VARS1: variants seen among roughly 807,000 people sequenced by gnomAD.
VARS1 encodes valyl-tRNA synthetase 1.
In VARS1, 92 loss-of-function variants were observed where a neutral mutation model predicts 161.0. That is an observed-to-expected ratio of 0.57 (90% CI 0.48 to 0.68). The LOEUF is 0.68. VARS1 is among the 30% of genes least tolerant of loss of function. The pLI, the probability that VARS1 is intolerant of heterozygous loss-of-function variation, is 0.00. For missense variants in VARS1, 1,338 were observed against 1,695.9 expected (o/e 0.79, Z 3.71); for synonymous variants, 595 against 682.5 (o/e 0.87, Z 2.00).
Position 31,793,018 on chromosome 6 carries a change from C to A in VARS1, c.490G>T (p.Ala164Ser). The stretch of plus-strand genomic sequence containing the variant: ...AAAGGCAGCAGCAAGGCTGTGACAG[C>A]CGCCAGGTCAGCCAGAGTGGGGGCC... The part of the protein sequence containing the change: ...GEAPTLADLA[A>S]VTALLLPFRY... The change falls in exon 3 of 30, where the codon GCT becomes TCT. Residue 164 changes from alanine (A) to serine (S), a missense_variant. By Grantham distance (99) the Ala-to-Ser change is moderately conservative. Around this residue, in one of 3 missense-constraint regions of VARS1, gnomAD observed 902 missense variants for 1,090.3 expected, o/e 0.83. Transcript: ENST00000375663. 6.2e-7 allele frequency: 1 copy of A among 1,613,280 alleles called. No homozygotes were observed. Among genetic ancestry groups the A allele is most frequent in the South Asian group, 1.1e-5 (1 of 91,088 alleles).
intron 8 of VARS1, among the ~76,000 whole-genome samples, chr6:31,789,377 T>C (rs1290154453): frequency 6.6e-6 from 1 of 152,134 alleles, no homozygotes; most frequent in Non-Finnish European, 1.5e-5. Flanking sequence ...ACAACTTCAA[T>C]AGCAATCAGA....
In VARS1 at chr6:31,795,175, TG is replaced by T; in HGVS notation, c.42del (p.Ser15AlafsTer6). On this transcript the variant is annotated frameshift_variant, in exon 2 of 30. Coordinates refer to ENST00000375663, the MANE Select transcript of VARS1 (RefSeq NM_006295.3). LOFTEE classifies it high-confidence loss of function. The surrounding 1 kb of genome is among the most constrained non-coding windows in gnomAD (Gnocchi z 6.9). ...LYVSPHPDAF[P>X]SLRALIAARY... ...CGAGCGGCTATGAGGGCTCGGAGGCTGGGGAAGGCATCTGGGTGAGGGGAGA... is the reference window on the plus strand; with the variant it reads ...CGAGCGGCTATGAGGGCTCGGAGGCTGGGAAGGCATCTGGGTGAGGGGAGA... The T allele has an allele frequency of 6.8e-7, 1 of 1,474,410 alleles. No individual in the cohort carries two copies. 91.3% of individuals were successfully genotyped at this position (1,474,410 alleles called of 1,614,324 possible).
At chr6:31,792,064 CACA>C in intron 6 of VARS1, 93 bp from the exon 7 acceptor site, 2 of 1,462,210 alleles carry the variant, frequency 1.4e-6, no homozygotes, top group Non-Finnish European at 1.8e-6. Flanking sequence ...CTCCGTCACT[CACA>C]TCATAGGACA....
In VARS1 at chr6:31,792,809, C is replaced by T. The variant is rs1034862273; in HGVS notation, c.609G>A (p.Val203=). The change falls in exon 4 of 30, where the codon GTG becomes GTA. Residue 203 remains valine, a synonymous_variant. Transcript: ENST00000375663. The part of the protein sequence containing the change: ...TCVRQPEFRA[V]LGEVVLYSGA... ...CTGAGTATAGAACCACTTCTCCTAG[C>T]ACGGCTCGGAATTCTGGCTGCCGGA... is the stretch of plus-strand genomic sequence containing the variant. The T allele has an allele frequency of 4.3e-6, 7 of 1,614,072 alleles. No individual in the cohort carries two copies. The highest frequency in any genetic ancestry group is 5.9e-6 in the Non-Finnish European group (7 of 1,180,048).
At position 31,790,368 on chromosome 6, in the gene VARS1, G is replaced by A. The variant is rs189537173; in HGVS notation, c.1100+1242C>T. Among the ~76,000 whole-genome samples the A allele has an allele frequency of 7.1e-3, 1,075 of 152,096 alleles. 12 individuals carry two copies. Among genetic ancestry groups the A allele is most frequent in the African/African-American group, 0.023 (938 of 41,526 alleles). On this transcript the variant is annotated intron_variant, in intron 8 of 29. Coordinates refer to ENST00000375663, the MANE Select transcript of VARS1 (RefSeq NM_006295.3). ...TGTAATCCCAGCACTTTGGGAGGCC[G>A]AGGCAGGCAGATCACCTGAGGTCAG...
chr6:31,787,219 A>G (rs1340636352), intron 8 of VARS1, among the ~76,000 whole-genome samples: 1 of 151,990 alleles, frequency 6.6e-6, no homozygotes, highest in East Asian at 1.9e-4. Flanking sequence ...CTGTCTCAAA[A>G]ATAAATAAAT....
Position 31,782,398 on chromosome 6 carries a change from G to A in VARS1, c.2037C>T (p.Tyr679=), listed in dbSNP as rs373944494. The change falls in exon 17 of 30, where the codon TAC becomes TAT. Residue 679 remains tyrosine (Y), a synonymous_variant. Transcript: ENST00000375663. This position sits in a 1 kb window ranked among gnomAD's most constrained non-coding sequence, Gnocchi z 8.3. ...VVEPLLRPQW[Y]VRCGEMAQAA... ...CCTGGGCCATCTCCCCGCAGCGAAC[G>A]TACCACTGCGGCCGCAGCAGAGGCT... The A allele has an allele frequency of 4.7e-5, 76 of 1,612,370 alleles. No homozygotes were observed. The highest frequency in any genetic ancestry group is 1.3e-4 in the African/African-American group (10 of 75,026).
At chr6:31,783,372 T>C in intron 13 of VARS1, 186 bp from the exon 14 acceptor site, 1 of 604,228 alleles carries the variant, frequency 1.7e-6, no homozygotes, top group Non-Finnish European at 2.9e-6. Flanking sequence ...TAGCCAGGTG[T>C]GGTGACGCGT....
Position 31,785,995 on chromosome 6 carries a change from A to G in VARS1, c.1101-262T>C, listed in dbSNP as rs1425883422. 6.6e-6 allele frequency among the ~76,000 whole-genome samples: 1 copy of G among 152,080 alleles called. No homozygotes were observed. The highest frequency in any genetic ancestry group is 2.4e-5 in the African/African-American group (1 of 41,426). ...TACAAAATTAGCTGGGCATGGTGGC[A>G]TGCGCCTGTAATCCCAGCACTTTGG... On this transcript the variant is annotated intron_variant, in intron 8 of 29. Coordinates refer to ENST00000375663, the MANE Select transcript of VARS1 (RefSeq NM_006295.3). This position sits in a 1 kb window ranked among gnomAD's most constrained non-coding sequence, Gnocchi z 6.1.
In VARS1 at chr6:31,778,933, G is replaced by A; in HGVS notation, c.3726+34C>T. The A allele has an allele frequency of 6.2e-7, 1 of 1,612,208 alleles. No homozygotes were observed. The highest frequency in any genetic ancestry group is 8.5e-7 in the Non-Finnish European group (1 of 1,179,342). Reference sequence around the variant, plus strand: ...GACCAGGGTTTTGATGGAGGAAGGGGATGGTGTGGGAAATGCCCACCCAGG... The same window carrying A: ...GACCAGGGTTTTGATGGAGGAAGGGAATGGTGTGGGAAATGCCCACCCAGG... On this transcript the variant is annotated intron_variant, in intron 29 of 29. Coordinates refer to ENST00000375663, the MANE Select transcript of VARS1 (RefSeq NM_006295.3). This position sits in a 1 kb window ranked among gnomAD's most constrained non-coding sequence, Gnocchi z 5.1.
rs149834599 is a variant in VARS1, at chr6:31,778,994, G to T, written c.3699C>A (p.Leu1233=). Residue 1233 remains leucine (L), a synonymous_variant, in exon 29 of 30, where the codon CTC becomes CTA. Coordinates refer to ENST00000375663, the MANE Select transcript of VARS1 (RefSeq NM_006295.3). The surrounding 1 kb of genome is among the most constrained non-coding windows in gnomAD (Gnocchi z 5.1). ...AASGYPVKVP[L]EVQEADEAKL... Reference sequence around the variant, plus strand: ...TGGCTTCATCTGCCTCCTGGACTTCGAGCGGCACCTTGACAGGATAGCCCG... The same window carrying T: ...TGGCTTCATCTGCCTCCTGGACTTCTAGCGGCACCTTGACAGGATAGCCCG... The T allele has an allele frequency of 1.2e-6, 2 of 1,612,930 alleles. No homozygotes were observed. The highest frequency in any genetic ancestry group is 1.7e-6 in the Non-Finnish European group (2 of 1,180,052).
At chr6:31,790,602 CAAAAAAAAAAAAAAA>C (rs9279419) in intron 8 of VARS1, among the ~76,000 whole-genome samples, 1 of 43,386 alleles carries the variant, frequency 2.3e-5, no homozygotes, top group Non-Finnish European at 3.9e-5. Context: ...AACTCTGTCT[CAAAAAAAAAAAAAAA>C]AAAAAAAAAA....
Position 31,782,228 on chromosome 6 carries a change from C to T in VARS1, c.2151-51G>A, listed in dbSNP as rs565538618. ...AGGGAGGGCCTGATGGAGCCTGGCC[C>T]GAGTGAGCCCTGCTCAGCCCTCGGC... is the stretch of plus-strand genomic sequence containing the variant. On this transcript the variant is annotated intron_variant, in intron 17 of 29. Transcript: ENST00000375663. The surrounding 1 kb of genome is among the most constrained non-coding windows in gnomAD (Gnocchi z 8.3). 1.2e-5 allele frequency: 19 copies of T among 1,611,128 alleles called. No homozygotes were observed. The Admixed American group carries it at 1.3e-4, about 11-fold the overall frequency.
rs1274388486 is a variant in VARS1, at chr6:31,783,193, G to A, written c.1672-7C>T. 22 of 1,611,832 alleles carry A rather than the reference G, an allele frequency of 1.4e-5. No homozygotes were observed. In the African/African-American group the frequency reaches 2.7e-4, roughly 20 times the overall value. On this transcript the variant is annotated splice_polypyrimidine_tract_variant and splice_region_variant and intron_variant, in intron 13 of 29. Transcript: ENST00000375663. Reference sequence around the variant, plus strand: ...CGTTCTTCCCCTTCAGGTGCTGGGGGCGGAAAGATACCAAAAACGCATGAA... The same window carrying A: ...CGTTCTTCCCCTTCAGGTGCTGGGGACGGAAAGATACCAAAAACGCATGAA...
intron 6 of VARS1, 113 bp downstream of exon 6, chr6:31,792,104 C>T (rs568856031): frequency 1.8e-5 from 27 of 1,476,426 alleles, no homozygotes; most frequent in Middle Eastern, 2.4e-4. Context: ...AGAGGCAGGG[C>T]AGGGGGTCTG....
chr6:31,777,948 G>A lies in VARS1; in HGVS notation c.3727-286C>T. ...TCAGTGTCCCCACCTAAGCAGGAGA[G>A]CACAGTCTCCCAGGCCGGTCACTTC... On this transcript the variant is annotated intron_variant, in intron 29 of 29. Coordinates refer to ENST00000375663, the MANE Select transcript of VARS1 (RefSeq NM_006295.3). The surrounding 1 kb of genome is among the most constrained non-coding windows in gnomAD (Gnocchi z 5.8). The A allele has an allele frequency of 1.8e-6, 1 of 546,160 alleles. No homozygotes were observed. The highest frequency in any genetic ancestry group is 3.3e-6 in the Non-Finnish European group (1 of 305,192). The allele number at this position is 546,160 out of a possible 1,614,324, so 33.8% of individuals were successfully genotyped here.
In VARS1 at chr6:31,795,571, G is replaced by A. The variant is rs893236645; in HGVS notation, c.-59C>T. 7 of 202,424 alleles carry A rather than the reference G, an allele frequency of 3.5e-5. No individual in the cohort carries two copies. The highest frequency in any genetic ancestry group is 6.9e-5 in the Non-Finnish European group (7 of 101,098). 12.5% of individuals were successfully genotyped at this position (202,424 alleles called of 1,614,324 possible). A position where few individuals can be genotyped will look rare whatever the true frequency, so the allele number is the denominator to read the frequency against. ...TGGAGGGAGATGGTCAGACTGGGCC[G>A]GGAATCCACCTCACAGCCAGGCGCC... is the stretch of plus-strand genomic sequence containing the variant. On this transcript the variant is annotated 5_prime_UTR_variant, in exon 1 of 30. Transcript: ENST00000375663. The surrounding 1 kb of genome is among the most constrained non-coding windows in gnomAD (Gnocchi z 6.9).
intron 6 of VARS1, 37 bp downstream of exon 6, chr6:31,792,180 G>A (rs773373912): frequency 6.2e-7 from 1 of 1,606,070 alleles, no homozygotes; most frequent in Non-Finnish European, 8.5e-7. Context: ...ACTTAGAAGG[G>A]GCTGCTGAGG....
chr6:31,784,802 A>G lies in VARS1; in HGVS notation c.1348-88T>C. 2 of 1,583,974 alleles carry G rather than the reference A, an allele frequency of 1.3e-6. No individual in the cohort carries two copies. Among genetic ancestry groups the G allele is most frequent in the South Asian group, 1.1e-5 (1 of 87,240 alleles). ...CCAGGGCTCCAGTGAGGCCTTGCCC[A>G]TACAGAGTCCCACTGGCCAGCACAA... On this transcript the variant is annotated intron_variant, in intron 10 of 29. Transcript: ENST00000375663. This position sits in a 1 kb window ranked among gnomAD's most constrained non-coding sequence, Gnocchi z 6.1.
Sources: gnomAD v4.1 joint callset for allele counts (sites outside exome capture counted in the v4.1 genomes callset) on GRCh38, gnomAD v4.1.1 for gene constraint, gnomAD v4.1.1 regional missense constraint, Gnocchi (gnomAD v3.1) non-coding constraint, MANE v1.5 for transcripts, NCBI Gene and HGNC (gene_info 2026-07-23, HGNC 2026-07-21) for gene names.